The following DCC variants were observed in gnomAD, a reference collection of about 807,000 sequenced individuals.
The protein encoded by DCC is DCC netrin 1 receptor.
A neutral mutation model predicts 172.5 loss-of-function variants in DCC; 58 were observed. The ratio of observed to expected loss-of-function variants is 0.34; its 90% CI spans 0.27 to 0.42. DCC has a LOEUF of 0.42. Ranked by LOEUF, DCC falls within the 10% of genes least tolerant of loss-of-function variation. DCC has a pLI of 1.00. For missense variants in DCC, 1,740 were observed against 1,791.0 expected (o/e 0.97, Z 0.51); for synonymous variants, 709 against 644.5 (o/e 1.10, Z -1.52).
At chr18:53,054,524 T>A (rs114332826) in intron 5 of DCC, among the ~76,000 whole-genome samples, 29 of 152,126 alleles carry the variant, frequency 1.9e-4, no homozygotes, top group African/African-American at 6.7e-4. Flanking sequence ...CCAGAGATAA[T>A]CCTCCCATTA....
intron 1 of DCC, among the ~76,000 whole-genome samples, chr18:52,634,867 T>C (rs2034743173): frequency 6.6e-6 from 1 of 152,270 alleles, no homozygotes; most frequent in South Asian, 2.1e-4. Context: ...ATCCCTAGTA[T>C]AGGGAAACTA....
intron 1 of DCC, among the ~76,000 whole-genome samples, chr18:52,695,124 T>C (rs1215992090): frequency 1.3e-5 from 2 of 152,182 alleles, no homozygotes; most frequent in Non-Finnish European, 2.9e-5. Flanking sequence ...TCTCTTTTCT[T>C]GCCTCTCATT....
In DCC at chr18:52,852,888, T is replaced by C. The variant is rs191480780; in HGVS notation, c.413-53156T>C. On this transcript the variant is annotated intron_variant, in intron 2 of 28. Transcript: ENST00000442544. ...TCTCATTTGGTCTACCCAGCTGCAGTATGAAGCAGGTACTGTTAGTGGTTC... is the reference window on the plus strand; with the variant it reads ...TCTCATTTGGTCTACCCAGCTGCAGCATGAAGCAGGTACTGTTAGTGGTTC... Among the ~76,000 whole-genome samples, 113 of 152,292 alleles carry C rather than the reference T, an allele frequency of 7.4e-4. 1 individual carries two copies. The highest frequency in any genetic ancestry group is 2.6e-3 in the African/African-American group (106 of 41,566).
At chr18:52,909,674 C>T (rs758750028) in intron 3 of DCC, among the ~76,000 whole-genome samples, 2 of 152,152 alleles carry the variant, frequency 1.3e-5, no homozygotes, top group Non-Finnish European at 2.9e-5. Context: ...AAAGTGCTGT[C>T]TTTCAGCGAC....
intron 1 of DCC, among the ~76,000 whole-genome samples, chr18:52,363,757 A>T (rs1200737673): frequency 6.6e-6 from 1 of 152,224 alleles, no homozygotes; most frequent in Admixed American, 6.5e-5. Context: ...ACTGATTGGT[A>T]AATATTTGCT....
At chr18:52,737,246 T>C (rs998616153) in intron 1 of DCC, among the ~76,000 whole-genome samples, 7 of 151,984 alleles carry the variant, frequency 4.6e-5, no homozygotes, top group African/African-American at 7.3e-5. Context: ...CAACCAGGAA[T>C]GGTAAATAGT....
chr18:52,926,922 T>TACACACATAC (rs2040214339), intron 5 of DCC, among the ~76,000 whole-genome samples: 1 of 113,686 alleles, frequency 8.8e-6, no homozygotes. Flanking sequence ...CGTATACATA[T>TACACACATAC]ATATGTATAT....
chr18:53,050,558 T>G (rs1046402465), intron 5 of DCC, among the ~76,000 whole-genome samples: 1 of 152,164 alleles, frequency 6.6e-6, no homozygotes, highest in Admixed American at 6.6e-5. Flanking sequence ...ATTGTGTTCC[T>G]AATTTGACTC....
chr18:53,461,590 G>A (rs2045560320), intron 24 of DCC, among the ~76,000 whole-genome samples: 1 of 152,184 alleles, frequency 6.6e-6, no homozygotes, highest in South Asian at 2.1e-4. Flanking sequence ...TCACATAGTT[G>A]TAGATATGTG....
At chr18:52,405,159 G>A (rs1321501409) in intron 1 of DCC, among the ~76,000 whole-genome samples, 4 of 150,254 alleles carry the variant, frequency 2.7e-5, no homozygotes, top group African/African-American at 4.9e-5. Context: ...ATGATTTATA[G>A]TCCTTTGGGT....
intron 1 of DCC, among the ~76,000 whole-genome samples, chr18:52,472,157 C>T (rs1337294360): frequency 1.3e-5 from 2 of 152,192 alleles, no homozygotes; most frequent in Non-Finnish European, 2.9e-5. Flanking sequence ...GTGTGATAGT[C>T]TCACAGGGCT....
intron 2 of DCC, among the ~76,000 whole-genome samples, chr18:52,802,639 A>C: frequency 9.9e-6 from 1 of 100,808 alleles, no homozygotes; most frequent in African/African-American, 3.6e-5. Context: ...TCACCACGCC[A>C]AGCCTTTTTT....
intron 1 of DCC, among the ~76,000 whole-genome samples, chr18:52,412,157 C>A (rs1166847610): frequency 6.6e-6 from 1 of 152,036 alleles, no homozygotes; most frequent in East Asian, 1.9e-4. Flanking sequence ...TATCATTACA[C>A]TTAAAGGCAC....
intron 7 of DCC, among the ~76,000 whole-genome samples, chr18:53,087,315 C>A (rs1456455806): frequency 2.6e-5 from 4 of 151,492 alleles, no homozygotes; most frequent in Non-Finnish European, 4.4e-5. Context: ...GAGATGGTAT[C>A]TCATTGTGGT....
At chr18:53,314,312 G>T (rs1179168666) in intron 13 of DCC, among the ~76,000 whole-genome samples, 1 of 152,172 alleles carries the variant, frequency 6.6e-6, no homozygotes, top group African/African-American at 2.4e-5. Context: ...AAATTTTCTT[G>T]ATAAAGGTTT....
chr18:52,853,271 C>A (rs2039004833), intron 2 of DCC, among the ~76,000 whole-genome samples: 1 of 152,140 alleles, frequency 6.6e-6, no homozygotes, highest in Non-Finnish European at 1.5e-5. Flanking sequence ...CAGGATAAAT[C>A]TTCTGTAAGC....
intron 1 of DCC, among the ~76,000 whole-genome samples, chr18:52,586,608 G>T (rs2033679840): frequency 6.6e-6 from 1 of 152,174 alleles, no homozygotes; most frequent in Non-Finnish European, 1.5e-5. Flanking sequence ...AGGTAATGTT[G>T]CAGGAACAGG....
At chr18:52,540,222 G>A (rs985207230) in intron 1 of DCC, among the ~76,000 whole-genome samples, 5 of 152,098 alleles carry the variant, frequency 3.3e-5, no homozygotes, top group African/African-American at 9.7e-5. Context: ...AATTGCTTAA[G>A]GCCAGGAGTT....
intron 7 of DCC, among the ~76,000 whole-genome samples, chr18:53,078,645 T>G (rs1416235757): frequency 6.6e-6 from 1 of 152,168 alleles, no homozygotes; most frequent in Non-Finnish European, 1.5e-5. Context: ...TCAGAGTTCT[T>G]TAGCTTATAA....
Sources: gnomAD v4.1 joint callset for allele counts (sites outside exome capture counted in the v4.1 genomes callset) on GRCh38, gnomAD v4.1.1 for gene constraint, MANE v1.5 for transcripts, NCBI Gene and HGNC (gene_info 2026-07-23, HGNC 2026-07-21) for gene names.